Variants in RAP1GAP2 observed in about 807,000 individuals in gnomAD.
RAP1GAP2 encodes the protein rap1 GTPase-activating protein 2.
A neutral mutation model predicts 95.0 loss-of-function variants in RAP1GAP2; 27 were observed. That is an observed-to-expected ratio of 0.28 (90% confidence interval 0.21 to 0.39). RAP1GAP2 has a LOEUF of 0.39. Among genes scored for constraint, RAP1GAP2 ranks in the 10% least tolerant of loss-of-function variants. The pLI, the probability that RAP1GAP2 is intolerant of heterozygous loss-of-function variation, is 1.00. For missense variants in RAP1GAP2, 771 were observed against 970.0 expected, an observed-to-expected ratio of 0.79 and a Z score of 2.72; for synonymous variants, 373 against 380.9, an observed-to-expected ratio of 0.98 and a Z score of 0.24.
chr17:2,870,322 T>A lies in RAP1GAP2; in HGVS notation c.81-34962T>A, dbSNP rs535236534. On this transcript the variant is annotated intron_variant, in intron 2 of 24. Coordinates refer to ENST00000254695, the MANE Select transcript of RAP1GAP2 (RefSeq NM_015085.5). The surrounding 1 kb of genome is among the most constrained non-coding windows in gnomAD (Gnocchi z 4.4). ...TTAGTAAATACGGGGTTTTACTATGTTGGCCAGGCTGGTCTCAAACTCTTG... is the reference window on the plus strand; with the variant it reads ...TTAGTAAATACGGGGTTTTACTATGATGGCCAGGCTGGTCTCAAACTCTTG... Among the ~76,000 whole-genome samples the A allele has an allele frequency of 1.4e-4, 22 of 152,170 alleles. No homozygotes were observed. The highest frequency in any genetic ancestry group is 2.6e-4 in the Admixed American group (4 of 15,284).
chr17:2,964,164 T>G, intron 7 of RAP1GAP2, 96 bp downstream of exon 7: 1 of 1,115,284 alleles, frequency 9.0e-7, no homozygotes, highest in Non-Finnish European at 1.2e-6. Flanking sequence ...GGGGAGAGGT[T>G]GAGGGAGGCT....
chr17:2,763,186 G>T (rs1296201906), intron 1 of RAP1GAP2, among the ~76,000 whole-genome samples: 1 of 152,178 alleles, frequency 6.6e-6, no homozygotes, highest in Non-Finnish European at 1.5e-5. Context: ...ACTCGTTAGT[G>T]GGGATCATCT....
intron 2 of RAP1GAP2, among the ~76,000 whole-genome samples, chr17:2,836,200 G>A (rs1213297226): frequency 6.6e-6 from 1 of 151,998 alleles, no homozygotes; most frequent in African/African-American, 2.4e-5. Context: ...TTTCCTTGCC[G>A]GTTGGGTAGA....
At chr17:2,934,286 C>A (rs1455088652) in intron 3 of RAP1GAP2, among the ~76,000 whole-genome samples, 1 of 152,200 alleles carries the variant, frequency 6.6e-6, no homozygotes, top group Non-Finnish European at 1.5e-5. Flanking sequence ...CATGGGCCAC[C>A]ATGCTAGGCT....
At chr17:3,020,736 G>A (rs2046932457) in intron 19 of RAP1GAP2, 141 bp downstream of exon 19, 7 of 697,956 alleles carry the variant, frequency 1.0e-5, no homozygotes, top group South Asian at 7.5e-5. Flanking sequence ...AGGCACCTGT[G>A]TGTCCCCTGT....
chr17:2,970,316 G>C (rs1299407726), intron 8 of RAP1GAP2, among the ~76,000 whole-genome samples: 2 of 148,596 alleles, frequency 1.3e-5, no homozygotes, highest in African/African-American at 4.9e-5. Flanking sequence ...TACGTCCCTT[G>C]TTAATGACCA....
chr17:2,787,270 C>CTT (rs1018205691), intron 1 of RAP1GAP2, among the ~76,000 whole-genome samples: 1 of 100,620 alleles, frequency 9.9e-6, no homozygotes, highest in Admixed American at 1.0e-4. Context: ...TTTTTTTTTT[C>CTT]TTTTTTTTTT....
intron 1 of RAP1GAP2, among the ~76,000 whole-genome samples, chr17:2,786,946 C>CTTGTTTT (rs2068794453): frequency 1.7e-5 from 1 of 58,252 alleles, no homozygotes; most frequent in East Asian, 4.7e-4. Context: ...CGCTCCCAGC[C>CTTGTTTT]TTTTTTTTTT....
Position 2,857,769 on chromosome 17 carries a change from G to T in RAP1GAP2, c.81-47515G>T, listed in dbSNP as rs2072205520. On this transcript the variant is annotated intron_variant, in intron 2 of 24. Transcript: ENST00000254695. The surrounding 1 kb of genome is among the most constrained non-coding windows in gnomAD (Gnocchi z 4.0). The stretch of plus-strand genomic sequence containing the variant: ...CCTGAGGGGGAAAACAGGCAGCTTT[G>T]CTGGGAAGGACGGAGGCCGAGGAAC... 6.6e-6 allele frequency among the ~76,000 whole-genome samples: 1 copy of T among 152,192 alleles called. No individual in the cohort carries two copies. The highest frequency in any genetic ancestry group is 2.4e-5 in the African/African-American group (1 of 41,450).
chr17:2,798,101 A>G (rs1397654601), intron 1 of RAP1GAP2, among the ~76,000 whole-genome samples: 1 of 152,220 alleles, frequency 6.6e-6, no homozygotes, highest in Non-Finnish European at 1.5e-5. Context: ...GTGGCTGCCC[A>G]GGGCTGCCAA....
In RAP1GAP2 at chr17:3,004,862, C is replaced by T. The variant is rs983637580; in HGVS notation, c.1201-507C>T. On this transcript the variant is annotated intron_variant, in intron 14 of 24. Coordinates refer to ENST00000254695, the MANE Select transcript of RAP1GAP2 (RefSeq NM_015085.5). The surrounding 1 kb of genome is among the most constrained non-coding windows in gnomAD (Gnocchi z 4.1). ...TTTTGAAGCAATTCTGATTTATGGC[C>T]GAGCTGAGGAGTCAGGCTTGGGAAG... Among the ~76,000 whole-genome samples the T allele has an allele frequency of 4.6e-5, 7 of 152,180 alleles. No individual in the cohort carries two copies. Among genetic ancestry groups the T allele is most frequent in the African/African-American group, 1.4e-4 (6 of 41,442 alleles).
intron 3 of RAP1GAP2, among the ~76,000 whole-genome samples, chr17:2,922,685 G>A (rs1394064121): frequency 6.6e-6 from 1 of 152,134 alleles, no homozygotes; most frequent in Non-Finnish European, 1.5e-5. Context: ...TGGTACATAT[G>A]GGGCCATGGC....
At chr17:2,927,363 C>T (rs796456654) in intron 3 of RAP1GAP2, among the ~76,000 whole-genome samples, 22 of 152,204 alleles carry the variant, frequency 1.4e-4, no homozygotes, top group African/African-American at 5.1e-4. Context: ...CCGTGTTAGC[C>T]AGGATGGTCT....
chr17:2,769,760 C>T (rs2068351863), intron 1 of RAP1GAP2, among the ~76,000 whole-genome samples: 4 of 152,090 alleles, frequency 2.6e-5, no homozygotes, highest in Admixed American at 2.6e-4. Context: ...CAGCTTCAGA[C>T]AACTAACTTC....
chr17:2,877,307 A>G (rs1044559944), intron 2 of RAP1GAP2, among the ~76,000 whole-genome samples: 1 of 152,204 alleles, frequency 6.6e-6, no homozygotes, highest in Non-Finnish European at 1.5e-5. Flanking sequence ...AGGCCAGTCC[A>G]TCATCAGCTG....
At chr17:2,791,648 T>C (rs961717374), upstream of RAP1GAP2, among the ~76,000 whole-genome samples, 5 of 152,088 alleles carry the variant, frequency 3.3e-5, no homozygotes, top group Admixed American at 6.5e-5. Context: ...TCAGAGGGGT[T>C]GTGAGGCTGA....
At chr17:2,921,604 C>T (rs1226158038) in intron 3 of RAP1GAP2, among the ~76,000 whole-genome samples, 1 of 150,248 alleles carries the variant, frequency 6.7e-6, no homozygotes, top group Non-Finnish European at 1.5e-5. Context: ...TCTGCAGGGT[C>T]GTTAAGGTGT....
chr17:2,894,708 G>T (rs1343438315), intron 2 of RAP1GAP2, among the ~76,000 whole-genome samples: 1 of 152,140 alleles, frequency 6.6e-6, no homozygotes, highest in Non-Finnish European at 1.5e-5. Context: ...TGAAACCCAG[G>T]TTACTTGGTG....
intron 2 of RAP1GAP2, among the ~76,000 whole-genome samples, chr17:2,843,949 A>G (rs1299131518): frequency 6.6e-6 from 1 of 152,236 alleles, no homozygotes; most frequent in East Asian, 1.9e-4. Context: ...GGTGGAGGAA[A>G]TGGACAGAAG....
Sources: allele counts gnomAD v4.1 joint callset (sites outside exome capture counted in the v4.1 genomes callset), GRCh38; gene constraint gnomAD v4.1.1; non-coding constraint Gnocchi (gnomAD v3.1); transcripts MANE v1.5; gene names NCBI Gene and HGNC (gene_info 2026-07-23, HGNC 2026-07-21).